The following KCNQ3 variants were observed in gnomAD, a reference collection of about 807,000 sequenced individuals.
The protein encoded by KCNQ3 is potassium voltage-gated channel subfamily KQT member 3.
KCNQ3 carries 30 observed loss-of-function variants against 92.5 expected under a neutral mutation model. That is an observed-to-expected ratio of 0.32 (90% CI 0.24 to 0.44). KCNQ3 has a LOEUF of 0.44. Ranked by LOEUF, KCNQ3 falls within the 20% of genes least tolerant of loss-of-function variation. The pLI is 1.00. For synonymous variants in KCNQ3, 450 were observed against 468.8 expected (o/e 0.96, Z 0.52); for missense variants, 913 against 1,140.3 (o/e 0.80, Z 2.87).
chr8:132,121,368 C>A lies in KCNQ3; in HGVS notation c.*7894G>T, dbSNP rs1235544280. On this transcript the variant is annotated 3_prime_UTR_variant, in exon 15 of 15. Transcript: ENST00000388996. ...GAAGGACTGACAAATCTGATGAAGT[C>A]CACCTATCTTTCTAAGTTGATTTTT... 1 of 152,142 alleles carries A rather than the reference C, an allele frequency of 6.6e-6. No homozygotes were observed. Among genetic ancestry groups the A allele is most frequent in the African/African-American group, 2.4e-5 (1 of 41,424 alleles). The allele number at this position is 152,142 out of a possible 1,614,324, so 9.4% of individuals were successfully genotyped here. A position where few individuals can be genotyped will look rare whatever the true frequency, so the allele number is the denominator to read the frequency against.
At chr8:132,146,285 C>T (rs776395280) in intron 9 of KCNQ3, among the ~76,000 whole-genome samples, 7 of 152,200 alleles carry the variant, frequency 4.6e-5, no homozygotes, top group Admixed American at 2.0e-4. Flanking sequence ...GGACATACAA[C>T]GGGATACCAT....
At chr8:132,176,364 A>C (rs781151561) in intron 4 of KCNQ3, among the ~76,000 whole-genome samples, 17 of 152,220 alleles carry the variant, frequency 1.1e-4, no homozygotes, top group Non-Finnish European at 1.9e-4. Context: ...AATGGAGACA[A>C]GACCTAATGC....
At chr8:132,406,260 C>T (rs1297903183) in intron 1 of KCNQ3, among the ~76,000 whole-genome samples, 4 of 152,114 alleles carry the variant, frequency 2.6e-5, no homozygotes, top group South Asian at 2.1e-4. Context: ...CTGGATCAAG[C>T]GGGGCTTGGA....
At chr8:132,189,343 C>A (rs1439968376) in intron 1 of KCNQ3, among the ~76,000 whole-genome samples, 3 of 152,214 alleles carry the variant, frequency 2.0e-5, no homozygotes, top group Non-Finnish European at 4.4e-5. Context: ...GCATGGACAA[C>A]AACCCGTTAT....
Position 132,480,320 on chromosome 8 carries a change from G to A in KCNQ3, c.213C>T (p.Gly71=), listed in dbSNP as rs551914862. The A allele has an allele frequency of 1.1e-4, 183 of 1,600,576 alleles. No individual in the cohort carries two copies. In the South Asian group the frequency reaches 1.9e-3, roughly 17 times the overall value. The change falls in exon 1 of 15, where the codon GGC becomes GGT. Residue 71 remains glycine (G), a synonymous_variant. Coordinates refer to ENST00000388996, the MANE Select transcript of KCNQ3 (RefSeq NM_004519.4). The part of the protein sequence containing the change: ...ADKDGTLLLE[G]GGRDEGQRRT... ...TCCGCTGCCCCTCGTCGCGGCCGCC[G>A]CCCTCCAGCAGCAGGGTCCCGTCTT... is the stretch of plus-strand genomic sequence containing the variant.
At chr8:132,227,060 C>CT (rs923601765) in intron 1 of KCNQ3, among the ~76,000 whole-genome samples, 2,221 of 82,530 alleles carry the variant, frequency 0.027, 23 homozygotes, top group South Asian at 0.074. Context: ...ATATCTCACT[C>CT]TTTTTTTTTT....
At chr8:132,277,074 TA>T (rs928334456) in intron 1 of KCNQ3, among the ~76,000 whole-genome samples, 59 of 148,050 alleles carry the variant, frequency 4.0e-4, no homozygotes, top group South Asian at 1.5e-3. Context: ...CAATAATTTT[TA>T]AAAAAAAAAA....
intron 1 of KCNQ3, among the ~76,000 whole-genome samples, chr8:132,442,366 G>T (rs185467225): frequency 6.6e-6 from 1 of 152,260 alleles, no homozygotes; most frequent in East Asian, 1.9e-4. Flanking sequence ...GGAGAGCTTA[G>T]CAAGGGGGTA....
intron 1 of KCNQ3, among the ~76,000 whole-genome samples, chr8:132,217,710 C>CA (rs1170925572): frequency 0.068 from 4,491 of 66,022 alleles, 225 homozygotes; most frequent in Non-Finnish European, 0.078. Flanking sequence ...GGCTCTGTCT[C>CA]AAAAAAAAAA....
chr8:132,479,296 C>A (rs1488862080), intron 1 of KCNQ3, among the ~76,000 whole-genome samples: 2 of 152,150 alleles, frequency 1.3e-5, no homozygotes, highest in African/African-American at 2.4e-5. Context: ...TCTAGGAGAA[C>A]AGTGCCTGGG....
At chr8:132,476,249 G>A (rs2130870766) in intron 1 of KCNQ3, among the ~76,000 whole-genome samples, 1 of 152,356 alleles carries the variant, frequency 6.6e-6, no homozygotes, top group South Asian at 2.1e-4. Flanking sequence ...CAGTGCAAGA[G>A]GAAATGTGAG....
At chr8:132,388,393 A>G (rs540810140) in intron 1 of KCNQ3, among the ~76,000 whole-genome samples, 1 of 152,236 alleles carries the variant, frequency 6.6e-6, no homozygotes, top group Admixed American at 6.5e-5. Context: ...CAGAACAGAC[A>G]GTGCCATTAT....
rs1172699877 is a variant in KCNQ3 at position 132,129,674 on chromosome 8, G to A, written c.2207C>T (p.Ser736Phe). 6.2e-7 allele frequency: 1 copy of A among 1,614,182 alleles called. No homozygotes were observed. Among genetic ancestry groups the A allele is most frequent in the Admixed American group, 1.7e-5 (1 of 60,032 alleles). The change falls in exon 15 of 15, where the codon TCC becomes TTC. Residue 736 changes from serine (S) to phenylalanine (F), a missense_variant. Physicochemically the swap from Ser to Phe is radical, Grantham distance 155 (BLOSUM62 -2). Transcript: ENST00000388996. This position sits in a 1 kb window ranked among gnomAD's most constrained non-coding sequence, Gnocchi z 5.9. The stretch of plus-strand genomic sequence containing the variant: ...CCTCTCCACATACGTTGTTGCTGAG[G>A]AAGGAGGAGTTGCCTGAACCTTTCC... Reference protein sequence around the residue: ...SSGKVQATPPSSATTYVERPT... With the variant: ...SSGKVQATPPFSATTYVERPT...
At chr8:132,238,009 C>G (rs1281975040) in intron 1 of KCNQ3, among the ~76,000 whole-genome samples, 1 of 152,100 alleles carries the variant, frequency 6.6e-6, no homozygotes, top group Non-Finnish European at 1.5e-5. Context: ...AACAAGCAGC[C>G]AGAAAGAGAA....
At chr8:132,262,729 A>G (rs186721919) in intron 1 of KCNQ3, among the ~76,000 whole-genome samples, 12 of 151,186 alleles carry the variant, frequency 7.9e-5, no homozygotes, top group Non-Finnish European at 1.6e-4. Context: ...TGGGTCCCCT[A>G]TGACACCATG....
At chr8:132,212,240 T>G (rs1006155735) in intron 1 of KCNQ3, among the ~76,000 whole-genome samples, 1 of 151,998 alleles carries the variant, frequency 6.6e-6, no homozygotes, top group Non-Finnish European at 1.5e-5. Flanking sequence ...TTTAGCTAAT[T>G]CCTGCAATTC....
At chr8:132,467,610 C>T (rs558562090) in intron 1 of KCNQ3, among the ~76,000 whole-genome samples, 4 of 152,244 alleles carry the variant, frequency 2.6e-5, no homozygotes, top group South Asian at 2.1e-4. Flanking sequence ...TCCCTCAGCC[C>T]GACCTGCGTT....
intron 1 of KCNQ3, among the ~76,000 whole-genome samples, chr8:132,359,152 G>A (rs1481299833): frequency 6.6e-6 from 1 of 151,820 alleles, no homozygotes; most frequent in African/African-American, 2.4e-5. Context: ...CAGTGATGAA[G>A]CATCACATAA....
Position 132,129,154 on chromosome 8 carries a change from C to T in KCNQ3, c.*108G>A. The T allele has an allele frequency of 3.0e-6, 4 of 1,353,080 alleles. No homozygotes were observed. The highest frequency in any genetic ancestry group is 4.1e-6 in the Non-Finnish European group (4 of 973,384). 83.8% of individuals were successfully genotyped at this position (1,353,080 alleles called of 1,614,324 possible). On this transcript the variant is annotated 3_prime_UTR_variant, in exon 15 of 15. Transcript: ENST00000388996. The surrounding 1 kb of genome is among the most constrained non-coding windows in gnomAD (Gnocchi z 5.9). The stretch of plus-strand genomic sequence containing the variant: ...GGTGGGGCCACCACGCACACGCATG[C>T]ATTTGATGCAGCCATTGGTGTCCCC...
Sources: allele counts gnomAD v4.1 joint callset (sites outside exome capture counted in the v4.1 genomes callset), GRCh38; gene constraint gnomAD v4.1.1; non-coding constraint Gnocchi (gnomAD v3.1); transcripts MANE v1.5; gene names NCBI Gene and HGNC (gene_info 2026-07-23, HGNC 2026-07-21).